The following ZNF461 variants were observed in gnomAD, a reference collection of about 807,000 sequenced individuals.
ZNF461 encodes zinc finger protein 461.
ZNF461 carries 16 observed loss-of-function variants against 18.3 expected under a neutral mutation model. The observed-to-expected ratio is 0.88, with a 90% CI of 0.59 to 1.33. The LOEUF is 1.33. ZNF461 is among the 40% of genes most tolerant of loss of function. The pLI, the probability that ZNF461 is intolerant of heterozygous loss-of-function variation, is 0.00. For synonymous variants in ZNF461, 179 were observed against 216.9 expected, an observed-to-expected ratio of 0.83 and a Z score of 1.54; for missense variants, 595 against 669.9, an observed-to-expected ratio of 0.89 and a Z score of 1.23.
chr19:36,660,190 C>T (rs2037793709), intron 2 of ZNF461, among the ~76,000 whole-genome samples: 1 of 145,928 alleles, frequency 6.9e-6, no homozygotes, highest in Non-Finnish European at 1.5e-5. Context: ...ATCACTGTTG[C>T]CCAAGCTGGA....
At chr19:36,665,565 T>C (rs897161092) in intron 1 of ZNF461, among the ~76,000 whole-genome samples, 1 of 151,746 alleles carries the variant, frequency 6.6e-6, no homozygotes, top group Non-Finnish European at 1.5e-5. Context: ...AAAAATTAGC[T>C]GGGTGTGGTG....
chr19:36,641,816 T>G (rs1033928305), intron 5 of ZNF461, among the ~76,000 whole-genome samples: 3 of 152,102 alleles, frequency 2.0e-5, no homozygotes, highest in African/African-American at 7.2e-5. Context: ...TGATTTTATA[T>G]ATAAACACAT....
At chr19:36,660,557 G>A (rs1467300883) in intron 2 of ZNF461, among the ~76,000 whole-genome samples, 1 of 151,920 alleles carries the variant, frequency 6.6e-6, no homozygotes, top group Admixed American at 6.6e-5. Context: ...AGGAATTTTA[G>A]CTCCTGGCTC....
chr19:36,648,367 C>T (rs1470634566), intron 4 of ZNF461, among the ~76,000 whole-genome samples: 1 of 152,086 alleles, frequency 6.6e-6, no homozygotes, highest in East Asian at 1.9e-4. Flanking sequence ...GCCAATTAAA[C>T]CTCTTTTCAA....
Position 36,639,260 on chromosome 19 carries a change from C to A in ZNF461, c.1085G>T (p.Cys362Phe), listed in dbSNP as rs749537492. 6.2e-7 allele frequency: 1 copy of A among 1,614,098 alleles called. No individual in the cohort carries two copies. ...TGAGCGATGCCTAAAAGTCTTTCCA[C>A]ATTCTTTACATTCATAAGGTTTCTC... is the stretch of plus-strand genomic sequence containing the variant. ...TGEKPYECKE[C>F]GKTFRHRSHL... Residue 362 changes from cysteine (C) to phenylalanine (F), a missense_variant, in exon 6 of 6, where the codon TGT becomes TTT. Cys to Phe is a radical substitution (Grantham distance 205). Coordinates refer to ENST00000588268, the MANE Select transcript of ZNF461 (RefSeq NM_153257.5).
At chr19:36,654,966 C>T (rs1442367428) in intron 4 of ZNF461, among the ~76,000 whole-genome samples, 1 of 152,132 alleles carries the variant, frequency 6.6e-6, no homozygotes, top group Non-Finnish European at 1.5e-5. Context: ...TTCCCATCAC[C>T]TAGCAAAGCA....
At position 36,638,921 on chromosome 19, in the gene ZNF461, C is replaced by T. The variant is rs769338340; in HGVS notation, c.1424G>A (p.Gly475Asp). ...GEKPHECMIC[G>D]KAFRLHSHLI... is the part of the protein sequence containing the mutation. ...GTGTGAATGAAGTCTAAAGGCCTTA[C>T]CACATATCATGCATTCATGAGGTTT... The change falls in exon 6 of 6, where the codon GGT becomes GAT. Residue 475 changes from glycine to aspartate, a missense_variant. By Grantham distance (94) the Gly-to-Asp change is moderately conservative. Transcript: ENST00000588268. 6.2e-7 allele frequency: 1 copy of T among 1,607,178 alleles called. No individual in the cohort carries two copies. Among genetic ancestry groups the T allele is most frequent in the Non-Finnish European group, 8.5e-7 (1 of 1,174,978 alleles).
chr19:36,658,330 C>T lies in ZNF461; in HGVS notation c.105G>A (p.Met35Ile), dbSNP rs371784835. 1 of 1,610,578 alleles carries T rather than the reference C, an allele frequency of 6.2e-7. No homozygotes were observed. Among genetic ancestry groups the T allele is most frequent in the African/African-American group, 1.3e-5 (1 of 75,004 alleles). ...PAQRNLYKEV[M>I]LENYSNLVSL... ...ACACCAAGTTGCTATAATTCTCCAA[C>T]ATCACCTCCTTGTACAAATTCCTCT... is the stretch of plus-strand genomic sequence containing the variant. The change falls in exon 3 of 6, where the codon ATG becomes ATA. Residue 35 changes from methionine to isoleucine, a missense_variant. Physicochemically the swap from Met to Ile is conservative, Grantham distance 10. Coordinates refer to ENST00000588268, the MANE Select transcript of ZNF461 (RefSeq NM_153257.5).
chr19:36,656,884 A>G (rs2037731474), intron 3 of ZNF461, among the ~76,000 whole-genome samples: 1 of 151,730 alleles, frequency 6.6e-6, no homozygotes, highest in African/African-American at 2.4e-5. Context: ...CAATGGCACA[A>G]TCTTGGCTGA....
Position 36,638,903 on chromosome 19 carries a change from T to G in ZNF461, c.1442A>C (p.His481Pro). Residue 481 changes from histidine to proline, a missense_variant, in exon 6 of 6, where the codon CAT (histidine) becomes CCT (proline). Physicochemically the swap from His to Pro is moderately conservative, Grantham distance 77. Transcript: ENST00000588268. ...CMICGKAFRL[H>P]SHLIQHQRIH... ...TCTTTGATGTTGAATAAGGTGTGAA[T>G]GAAGTCTAAAGGCCTTACCACATAT... 1 of 1,604,558 alleles carries G rather than the reference T, an allele frequency of 6.2e-7. No individual in the cohort carries two copies. The highest frequency in any genetic ancestry group is 8.5e-7 in the Non-Finnish European group (1 of 1,174,240).
At chr19:36,660,012 C>A (rs1428446938) in intron 2 of ZNF461, among the ~76,000 whole-genome samples, 1 of 152,112 alleles carries the variant, frequency 6.6e-6, no homozygotes, top group African/African-American at 2.4e-5. Context: ...AGATTTCCCA[C>A]GTGTGATTTA....
intron 4 of ZNF461, among the ~76,000 whole-genome samples, chr19:36,646,825 TA>T (rs34916175): frequency 0.65 from 98,648 of 152,000 alleles, 32,174 homozygotes; most frequent in East Asian, 0.8. Context: ...TTTTGGAAAA[TA>T]TAACTTATTT....
At chr19:36,656,348 T>C in intron 4 of ZNF461, 100 bp downstream of exon 4, 1 of 922,644 alleles carries the variant, frequency 1.1e-6, no homozygotes, top group East Asian at 2.4e-5. Flanking sequence ...TGTTTTGAAA[T>C]CAGGTTTTCC....
chr19:36,647,209 A>G (rs1271275611), intron 4 of ZNF461, among the ~76,000 whole-genome samples: 1 of 152,196 alleles, frequency 6.6e-6, no homozygotes, highest in Non-Finnish European at 1.5e-5. Flanking sequence ...ATCATAGGAT[A>G]TAAATTTCTT....
chr19:36,656,887 T>C (rs1235371798), intron 3 of ZNF461, among the ~76,000 whole-genome samples: 1 of 151,904 alleles, frequency 6.6e-6, no homozygotes, highest in Non-Finnish European at 1.5e-5. Flanking sequence ...TGGCACAATC[T>C]TGGCTGACTG....
chr19:36,647,780 A>G (rs914177403), intron 4 of ZNF461, among the ~76,000 whole-genome samples: 7 of 152,074 alleles, frequency 4.6e-5, no homozygotes, highest in Admixed American at 3.9e-4. Context: ...GGTGGGGCCT[A>G]GTGGGAAGTA....
intron 2 of ZNF461, among the ~76,000 whole-genome samples, chr19:36,663,594 A>T (rs1600450265): frequency 6.9e-6 from 1 of 144,078 alleles, no homozygotes; most frequent in South Asian, 2.1e-4. Flanking sequence ...ATCATAGCTC[A>T]CTGCAGCCGC....
intron 4 of ZNF461, among the ~76,000 whole-genome samples, chr19:36,650,422 A>C (rs1439810814): frequency 6.6e-6 from 1 of 152,180 alleles, no homozygotes. Flanking sequence ...ATAGTCCTAC[A>C]ACTATTAAAT....
rs2037379804 is a variant in ZNF461 at position 36,639,532 on chromosome 19, T to G, written c.813A>C (p.Lys271Asn). Residue 271 changes from lysine to asparagine, a missense_variant, in exon 6 of 6, where the codon AAA becomes AAC. Coordinates refer to ENST00000588268, the MANE Select transcript of ZNF461 (RefSeq NM_153257.5). ...TCCCACATTCGTTACATTCATAGCG[T>G]TTTTCACCATTATGAATTCTTAGAT... Reference protein sequence around the residue: ...LKHLRIHNGEKRYECNECGKA... With the variant: ...LKHLRIHNGENRYECNECGKA... The G allele has an allele frequency of 1.9e-6, 3 of 1,613,568 alleles. No homozygotes were observed. In the East Asian group the frequency reaches 6.7e-5, roughly 36 times the overall value.
Sources: gnomAD v4.1 joint callset for allele counts (sites outside exome capture counted in the v4.1 genomes callset) on GRCh38, gnomAD v4.1.1 for gene constraint, MANE v1.5 for transcripts, NCBI Gene and HGNC (gene_info 2026-07-23, HGNC 2026-07-21) for gene names.